Variants in ADAMTS18 observed in about 807,000 individuals in gnomAD.
ADAMTS18 encodes A disintegrin and metalloproteinase with thrombospondin motifs 18.
A neutral mutation model predicts 165.9 loss-of-function variants in ADAMTS18; 157 were observed. The observed-to-expected ratio is 0.95, with a 90% CI of 0.83 to 1.08. ADAMTS18 has a LOEUF of 1.08. Ranked by LOEUF, ADAMTS18 falls within the 50% of genes least tolerant of loss-of-function variation. The probability of loss-of-function intolerance (pLI) is 0.00; values close to 1 mark genes in which losing one functional copy is unlikely to be tolerated. For synonymous variants in ADAMTS18, 782 were observed against 578.2 expected (o/e 1.35, Z -5.06); for missense variants, 2,040 against 1,534.0 (o/e 1.33, Z -5.51).
intron 3 of ADAMTS18, among the ~76,000 whole-genome samples, chr16:77,406,815 C>T (rs537146073): frequency 6.6e-6 from 1 of 152,022 alleles, no homozygotes; most frequent in Non-Finnish European, 1.5e-5. Flanking sequence ...CAACTGGACA[C>T]CATTATCCTA....
At chr16:77,375,722 T>C (rs1034238833) in intron 3 of ADAMTS18, among the ~76,000 whole-genome samples, 4 of 152,180 alleles carry the variant, frequency 2.6e-5, no homozygotes, top group Admixed American at 6.5e-5. Context: ...CGTTCTCTCA[T>C]TGCTATAAAG....
rs2057780425 is a variant in ADAMTS18, at chr16:77,435,026, T to A, written c.-331A>T. The A allele has an allele frequency of 4.9e-6, 1 of 204,104 alleles. No homozygotes were observed. The highest frequency in any genetic ancestry group is 6.0e-5 in the Admixed American group (1 of 16,638). 12.6% of individuals were successfully genotyped at this position (204,104 alleles called of 1,614,324 possible). Reference sequence around the variant, plus strand: ...GTCTGTGCGTCTGTCTGTGTCGGTGTGAGCGTCTGAGGCGATGGGGAAGAC... The same window carrying A: ...GTCTGTGCGTCTGTCTGTGTCGGTGAGAGCGTCTGAGGCGATGGGGAAGAC... On this transcript the variant is annotated 5_prime_UTR_variant, in exon 1 of 23. Transcript: ENST00000282849.
At chr16:77,334,727 A>ATATACTATAGTATATATACTG (rs759689016) in intron 12 of ADAMTS18, among the ~76,000 whole-genome samples, 36,789 of 73,136 alleles carry the variant, frequency 0.5, 11,762 homozygotes, top group African/African-American at 0.76. Context: ...GTATACTACT[A>ATATACTATAGTATATATACTG]TATACTATAG....
At chr16:77,420,663 A>T (rs1189666733) in intron 3 of ADAMTS18, among the ~76,000 whole-genome samples, 1 of 152,218 alleles carries the variant, frequency 6.6e-6, no homozygotes, top group Non-Finnish European at 1.5e-5. Context: ...AACAATGACA[A>T]AAGGAAAACC....
chr16:77,334,788 A>ATACTAT (rs1567492063), intron 12 of ADAMTS18, among the ~76,000 whole-genome samples: 3 of 56,756 alleles, frequency 5.3e-5, no homozygotes, highest in South Asian at 5.1e-4. Flanking sequence ...AGTATACAGT[A>ATACTAT]AATATACTAT....
chr16:77,293,415 C>T lies in ADAMTS18; in HGVS notation c.3007-157G>A, dbSNP rs79213052. On this transcript the variant is annotated intron_variant, in intron 19 of 22. Transcript: ENST00000282849. ...AGATCTACTTAACCACCCCCATTCC[C>T]ATTACCCACCATACATATCTGGCTA... Among the ~76,000 whole-genome samples, 1,313 of 151,970 alleles carry T rather than the reference C, an allele frequency of 8.6e-3. 54 individuals carry two copies. Among genetic ancestry groups the T allele is most frequent in the East Asian group, 0.086 (444 of 5,146 alleles).
chr16:77,333,900 AATAT>A (rs1451592520), intron 12 of ADAMTS18, among the ~76,000 whole-genome samples: 26 of 145,754 alleles, frequency 1.8e-4, no homozygotes, highest in African/African-American at 5.2e-4. Context: ...TTAATAGTAT[AATAT>A]ATAGTGTCCT....
At chr16:77,401,172 T>C (rs1419256303) in intron 3 of ADAMTS18, among the ~76,000 whole-genome samples, 2 of 152,048 alleles carry the variant, frequency 1.3e-5, no homozygotes, top group Admixed American at 1.3e-4. Context: ...GGAGAATTGC[T>C]TGAACCCAGG....
chr16:77,330,443 G>C (rs2056169010), intron 12 of ADAMTS18, among the ~76,000 whole-genome samples: 1 of 152,148 alleles, frequency 6.6e-6, no homozygotes, highest in South Asian at 2.1e-4. Flanking sequence ...TACCAGCATG[G>C]GGACTTGAGC....
intron 3 of ADAMTS18, among the ~76,000 whole-genome samples, chr16:77,397,079 A>C (rs1020069031): frequency 6.6e-6 from 1 of 152,024 alleles, no homozygotes; most frequent in Non-Finnish European, 1.5e-5. Context: ...AAAGTGCTGG[A>C]ATTTTAGGCG....
At chr16:77,334,001 G>GCAATATATGCTATATATAATATACAGTA (rs2056235905) in intron 12 of ADAMTS18, among the ~76,000 whole-genome samples, 5 of 140,168 alleles carry the variant, frequency 3.6e-5, no homozygotes, top group Non-Finnish European at 7.5e-5. Flanking sequence ...AATATACAGT[G>GCAATATATGCTATATATAATATACAGTA]CAATATATGC....
chr16:77,370,463 A>G (rs2056860501), intron 3 of ADAMTS18, among the ~76,000 whole-genome samples: 1 of 152,116 alleles, frequency 6.6e-6, no homozygotes, highest in Non-Finnish European at 1.5e-5. Context: ...AGAAATCAAG[A>G]AGGTGGCCAA....
rs1301082026 is a variant in ADAMTS18, at chr16:77,283,712, A to AT, written c.*243dup. 28 of 499,370 alleles carry AT rather than the reference A, an allele frequency of 5.6e-5. No homozygotes were observed. Among genetic ancestry groups the AT allele is most frequent in the Middle Eastern group, 5.6e-4 (1 of 1,774 alleles). 30.9% of individuals were successfully genotyped at this position (499,370 alleles called of 1,614,324 possible). A position where few individuals can be genotyped will look rare whatever the true frequency, so the allele number is the denominator to read the frequency against. ...TTGCATATAACAGTGCAAATCAAAGATTTTTTTTAAAGTCAGATTTGTCAT... is the reference window on the plus strand; with the variant it reads ...TTGCATATAACAGTGCAAATCAAAGATTTTTTTTTAAAGTCAGATTTGTCAT... On this transcript the variant is annotated 3_prime_UTR_variant, in exon 23 of 23. Transcript: ENST00000282849.
intron 16 of ADAMTS18, among the ~76,000 whole-genome samples, chr16:77,305,943 A>T (rs1490741832): frequency 6.6e-6 from 1 of 152,216 alleles, no homozygotes; most frequent in Non-Finnish European, 1.5e-5. Context: ...CCATGTCAAG[A>T]GTAGTCCATT....
rs1420905990 is a variant in ADAMTS18 at position 77,319,903 on chromosome 16, G to A, written c.2478C>T (p.Asn826=). 3.1e-6 allele frequency: 5 copies of A among 1,614,118 alleles called. No individual in the cohort carries two copies. The highest frequency in any genetic ancestry group is 4.2e-6 in the Non-Finnish European group (5 of 1,179,954). The stretch of plus-strand genomic sequence containing the variant: ...CTGGCGCGTACAGACGTTCCGGGCG[G>A]TTGAAAGAGCGCTGGTATTCAAACG... The part of the protein sequence containing the change: ...GTTFEYQRSF[N]RPERLYAPGP... The change falls in exon 16 of 23, where the codon AAC becomes AAT. Residue 826 remains asparagine, a synonymous_variant. Transcript: ENST00000282849.
At chr16:77,338,069 A>G (rs1357541634) in intron 11 of ADAMTS18, among the ~76,000 whole-genome samples, 1 of 151,912 alleles carries the variant, frequency 6.6e-6, no homozygotes, top group Admixed American at 6.6e-5. Flanking sequence ...ACACCCAGCT[A>G]ATTTTTGTAT....
chr16:77,365,561 G>C (rs1176426219), intron 4 of ADAMTS18, among the ~76,000 whole-genome samples: 1 of 152,180 alleles, frequency 6.6e-6, no homozygotes, highest in African/African-American at 2.4e-5. Flanking sequence ...AACTGGCAAA[G>C]GGTGCGCACC....
At chr16:77,369,466 T>C (rs186050101) in intron 3 of ADAMTS18, among the ~76,000 whole-genome samples, 122 of 152,272 alleles carry the variant, frequency 8.0e-4, no homozygotes, top group Non-Finnish European at 1.5e-4. Flanking sequence ...TGGATGTAGG[T>C]GGTTAACGCC....
At chr16:77,362,065 C>T (rs2056722990) in intron 7 of ADAMTS18, 40 bp downstream of exon 7, 1 of 1,611,328 alleles carries the variant, frequency 6.2e-7, no homozygotes, top group Non-Finnish European at 8.5e-7. Context: ...ACTGTGTTTT[C>T]AGCTAACAGG....
Sources: allele counts gnomAD v4.1 joint callset (sites outside exome capture counted in the v4.1 genomes callset), GRCh38; gene constraint gnomAD v4.1.1; transcripts MANE v1.5; gene names NCBI Gene and HGNC (gene_info 2026-07-23, HGNC 2026-07-21).